The following ADAMTSL3 variants were observed in gnomAD, a reference collection of about 807,000 sequenced individuals.
ADAMTSL3 encodes ADAMTS like 3.
In ADAMTSL3, 128 loss-of-function variants were observed where a neutral mutation model predicts 201.7. That is an observed-to-expected ratio of 0.63 (90% CI 0.55 to 0.73). ADAMTSL3 has a LOEUF of 0.73. ADAMTSL3 is among the 30% of genes least tolerant of loss of function. The pLI, the probability that ADAMTSL3 is intolerant of heterozygous loss-of-function variation, is 0.00. For synonymous variants in ADAMTSL3, 738 were observed against 748.4 expected (o/e 0.99, Z 0.23); for missense variants, 1,990 against 2,119.6 (o/e 0.94, Z 1.20).
intron 16 of ADAMTSL3, among the ~76,000 whole-genome samples, chr15:83,918,149 A>C (rs1435726343): frequency 6.6e-6 from 1 of 152,164 alleles, no homozygotes; most frequent in East Asian, 1.9e-4. Context: ...TTCACATTTT[A>C]TTGGCTTGTC....
At position 83,980,439 on chromosome 15, in the gene ADAMTSL3, T is replaced by C. The variant is rs559720123; in HGVS notation, c.2645-1834T>C. Among the ~76,000 whole-genome samples the C allele has an allele frequency of 9.8e-5, 15 of 152,310 alleles. 1 individual carries two copies. The South Asian group carries it at 3.1e-3, about 32-fold the overall frequency. ...TATAAATTTACCAGGGAGTCTTCCA[T>C]ACATGTTTTTCAGCTTTTGATTGTT... On this transcript the variant is annotated intron_variant, in intron 20 of 29. Transcript: ENST00000286744.
chr15:83,884,342 T>C lies in ADAMTSL3; in HGVS notation c.961-759T>C, dbSNP rs994366487. On this transcript the variant is annotated intron_variant, in intron 9 of 29. Transcript: ENST00000286744. ...ACCTCATTGGTGCCCTATTTCCTTTTTTTTTTTTTTTTTTTTTTGAGACAG... is the reference window on the plus strand; with the variant it reads ...ACCTCATTGGTGCCCTATTTCCTTTCTTTTTTTTTTTTTTTTTTGAGACAG... Among the ~76,000 whole-genome samples, 48 of 146,348 alleles carry C rather than the reference T, an allele frequency of 3.3e-4. 3 individuals are homozygous for C. Among genetic ancestry groups the C allele is most frequent in the Non-Finnish European group, 5.6e-4 (37 of 66,116 alleles).
chr15:83,950,480 G>A (rs765222178), intron 19 of ADAMTSL3, among the ~76,000 whole-genome samples: 6 of 151,830 alleles, frequency 4.0e-5, no homozygotes, highest in Non-Finnish European at 8.8e-5. Flanking sequence ...GGATAGCTTG[G>A]GCTATTCTGG....
chr15:83,756,602 C>G (rs1473535078), intron 3 of ADAMTSL3, among the ~76,000 whole-genome samples: 1 of 143,090 alleles, frequency 7.0e-6, no homozygotes, highest in African/African-American at 2.5e-5. Context: ...CACCCCTGCC[C>G]CCCCCCCAAA....
chr15:83,666,221 A>G (rs917450261), intron 2 of ADAMTSL3, among the ~76,000 whole-genome samples: 2 of 152,188 alleles, frequency 1.3e-5, no homozygotes, highest in African/African-American at 4.8e-5. Flanking sequence ...ATTTTCCTAT[A>G]ATGATATTAA....
intron 23 of ADAMTSL3, among the ~76,000 whole-genome samples, chr15:84,008,117 G>A (rs2067929134): frequency 6.6e-6 from 1 of 152,144 alleles, no homozygotes; most frequent in African/African-American, 2.4e-5. Context: ...AGGTTTGTTT[G>A]TTTGTTTTTT....
intron 7 of ADAMTSL3, among the ~76,000 whole-genome samples, chr15:83,850,494 T>C (rs1309980395): frequency 6.7e-6 from 1 of 149,264 alleles, no homozygotes; most frequent in Non-Finnish European, 1.5e-5. Context: ...GTATAATATT[T>C]ATATATAAAA....
chr15:83,848,172 A>G (rs1027423211), intron 7 of ADAMTSL3, among the ~76,000 whole-genome samples: 4 of 151,392 alleles, frequency 2.6e-5, no homozygotes, highest in Non-Finnish European at 5.9e-5. Flanking sequence ...AAAAACACAC[A>G]CCAAAAAAAT....
chr15:83,663,772 C>T (rs1595987452), intron 2 of ADAMTSL3, among the ~76,000 whole-genome samples: 1 of 152,194 alleles, frequency 6.6e-6, no homozygotes. Context: ...GATGCAGACA[C>T]CGCTTTATTG....
chr15:83,849,535 T>C (rs1051366874), intron 7 of ADAMTSL3, among the ~76,000 whole-genome samples: 1 of 152,194 alleles, frequency 6.6e-6, no homozygotes, highest in African/African-American at 2.4e-5. Flanking sequence ...ATTCTTCTGA[T>C]AGGAGGTTTC....
chr15:83,744,496 A>G (rs1028068393), intron 3 of ADAMTSL3, among the ~76,000 whole-genome samples: 16 of 152,322 alleles, frequency 1.1e-4, no homozygotes, highest in African/African-American at 9.6e-5. Flanking sequence ...CAAAAATTGT[A>G]TATATTCATG....
intron 15 of ADAMTSL3, among the ~76,000 whole-genome samples, chr15:83,909,956 C>T (rs754958715): frequency 5.8e-4 from 88 of 152,182 alleles, no homozygotes; most frequent in Non-Finnish European, 1.0e-3. Flanking sequence ...AACCCCAGTC[C>T]CACTCAAGAT....
chr15:83,777,583 A>G (rs1427979952), intron 4 of ADAMTSL3, among the ~76,000 whole-genome samples: 1 of 152,200 alleles, frequency 6.6e-6, no homozygotes. Flanking sequence ...CCTCAAGGTC[A>G]TTAAAAAAAT....
chr15:83,979,329 T>C (rs1316420551), intron 20 of ADAMTSL3, among the ~76,000 whole-genome samples: 1 of 152,220 alleles, frequency 6.6e-6, no homozygotes, highest in Non-Finnish European at 1.5e-5. Context: ...TGCACATCCA[T>C]CTTTTATATT....
intron 2 of ADAMTSL3, among the ~76,000 whole-genome samples, chr15:83,656,056 C>T (rs2061078610): frequency 6.6e-6 from 1 of 152,142 alleles, no homozygotes; most frequent in Non-Finnish European, 1.5e-5. Flanking sequence ...TTTAATAGCA[C>T]TGTGGATACC....
At chr15:83,845,932 A>G (rs559597161) in intron 7 of ADAMTSL3, among the ~76,000 whole-genome samples, 1 of 152,294 alleles carries the variant, frequency 6.6e-6, no homozygotes, top group East Asian at 1.9e-4. Flanking sequence ...CAAGAACCTC[A>G]TGCACCTGGC....
intron 20 of ADAMTSL3, among the ~76,000 whole-genome samples, chr15:83,974,905 A>G (rs12101685): frequency 0.33 from 50,344 of 151,790 alleles, 8,968 homozygotes; most frequent in East Asian, 0.57. Context: ...TGTCAAGAAA[A>G]ATATGCCTCA....
intron 22 of ADAMTSL3, among the ~76,000 whole-genome samples, chr15:83,989,720 G>A (rs1175901781): frequency 6.6e-6 from 1 of 152,246 alleles, no homozygotes; most frequent in African/African-American, 2.4e-5. Flanking sequence ...TGCTTCCTGA[G>A]TGAGTGAATA....
chr15:83,885,128 G>A lies in ADAMTSL3; in HGVS notation c.988G>A (p.Val330Met), dbSNP rs1439091253. 8.7e-6 allele frequency: 14 copies of A among 1,614,000 alleles called. No individual in the cohort carries two copies. Among genetic ancestry groups the A allele is most frequent in the African/African-American group, 5.3e-5 (4 of 74,924 alleles). The change falls in exon 10 of 30, where the codon GTG becomes ATG. Residue 330 changes from valine to methionine, a missense_variant. Transcript: ENST00000286744. ...CAGGTACACTGCAGCCAAAGACAGC[G>A]TGGTTCAGTTCTTCTTTTACCAGCC... The part of the protein sequence containing the change: ...KTRYTAAKDS[V>M]VQFFFYQPIS...
Sources: gnomAD v4.1 joint callset for allele counts (sites outside exome capture counted in the v4.1 genomes callset) on GRCh38, gnomAD v4.1.1 for gene constraint, MANE v1.5 for transcripts, NCBI Gene and HGNC (gene_info 2026-07-23, HGNC 2026-07-21) for gene names.